Variants in CNBD1 observed in about 807,000 individuals in gnomAD.
CNBD1 encodes the protein cyclic nucleotide binding domain containing 1, also known as cyclic nucleotide-binding domain-containing protein 1.
A neutral mutation model predicts 54.4 loss-of-function variants in CNBD1; 71 were observed. That is an observed-to-expected ratio of 1.30 (90% CI 1.08 to 1.59). The LOEUF is 1.59. Among genes scored for constraint, CNBD1 ranks in the 40% most tolerant of loss-of-function variants. CNBD1 has a pLI of 0.00. For missense variants in CNBD1, 659 were observed against 518.0 expected (o/e 1.27, Z -2.64); for synonymous variants, 182 against 170.7 (o/e 1.07, Z -0.51).
At chr8:87,102,333 T>C (rs1313320123) in intron 4 of CNBD1, among the ~76,000 whole-genome samples, 2 of 152,160 alleles carry the variant, frequency 1.3e-5, no homozygotes, top group African/African-American at 4.8e-5. Flanking sequence ...GCAGTTTACA[T>C]GTGTAAAGAT....
intron 4 of CNBD1, among the ~76,000 whole-genome samples, chr8:87,129,613 T>G (rs918500928): frequency 1.3e-5 from 2 of 152,194 alleles, no homozygotes. Flanking sequence ...TTTTCCTTTT[T>G]GTTTTTCAAG....
At position 87,351,671 on chromosome 8, in the gene CNBD1, T is replaced by C; in HGVS notation, c.1043-14T>C. 6.8e-7 allele frequency: 1 copy of C among 1,477,296 alleles called. No individual in the cohort carries two copies. Among genetic ancestry groups the C allele is most frequent in the African/African-American group, 1.5e-5 (1 of 68,576 alleles). The allele number at this position is 1,477,296 out of a possible 1,614,324, so 91.5% of individuals were successfully genotyped here. On this transcript the variant is annotated splice_polypyrimidine_tract_variant and intron_variant, in intron 8 of 10. Transcript: ENST00000518476. ...ACAAGAATGTGTGAAATGAACTATC[T>C]CTCTTCTTTTCAGTGATAGTGGAAA...
At chr8:86,896,897 AT>A (rs1808855279) in intron 2 of CNBD1, among the ~76,000 whole-genome samples, 1 of 152,226 alleles carries the variant, frequency 6.6e-6, no homozygotes, top group South Asian at 2.1e-4. Flanking sequence ...GGAAATTGCT[AT>A]GAATAGAAAA....
intron 1 of CNBD1, among the ~76,000 whole-genome samples, chr8:86,873,052 T>C (rs1460824156): frequency 2.0e-5 from 3 of 151,894 alleles, no homozygotes; most frequent in Admixed American, 6.6e-5. Context: ...CACTCCAGCC[T>C]GAGCAACAGC....
At chr8:86,938,240 C>T (rs531452052) in intron 3 of CNBD1, among the ~76,000 whole-genome samples, 19 of 152,220 alleles carry the variant, frequency 1.2e-4, no homozygotes, top group Admixed American at 1.2e-3. Context: ...CTTTTTTGCC[C>T]ATATCACTAT....
At chr8:87,392,343 T>C (rs1274956952) in intron 2 of CNBD1, among the ~76,000 whole-genome samples, 1 of 151,920 alleles carries the variant, frequency 6.6e-6, no homozygotes, top group African/African-American at 2.4e-5. Context: ...ACATGCAAAA[T>C]CTTGTACATG....
intron 4 of CNBD1, among the ~76,000 whole-genome samples, chr8:86,941,148 T>A (rs1809648824): frequency 6.6e-6 from 1 of 152,146 alleles, no homozygotes; most frequent in South Asian, 2.1e-4. Flanking sequence ...TACTCTTAAC[T>A]TATAATAACA....
intron 4 of CNBD1, among the ~76,000 whole-genome samples, chr8:87,146,102 A>C (rs1812481698): frequency 6.6e-6 from 1 of 152,138 alleles, no homozygotes; most frequent in South Asian, 2.1e-4. Context: ...TTTAGATTCT[A>C]CGTTGCTAAA....
At chr8:87,372,350 G>T (rs1427436601) in intron 10 of CNBD1, among the ~76,000 whole-genome samples, 2 of 151,972 alleles carry the variant, frequency 1.3e-5, no homozygotes, top group Non-Finnish European at 2.9e-5. Flanking sequence ...CCTACTTGCA[G>T]TTTTCACTGA....
At chr8:87,092,477 ATACACATATGTGTGTGTGTATATATATG>A (rs1229949508) in intron 4 of CNBD1, among the ~76,000 whole-genome samples, 1 of 146,216 alleles carries the variant, frequency 6.8e-6, no homozygotes, top group African/African-American at 2.6e-5. Context: ...GTGTATATAT[ATACACATATGTGTGTGTGTATATATATG>A]TGTGTGTGTG....
At chr8:86,969,404 A>T (rs903323892) in intron 4 of CNBD1, among the ~76,000 whole-genome samples, 12 of 152,168 alleles carry the variant, frequency 7.9e-5, no homozygotes, top group African/African-American at 2.9e-4. Context: ...ACTCCTTCAG[A>T]ACCTTCTTTG....
intron 3 of CNBD1, among the ~76,000 whole-genome samples, chr8:86,905,646 G>A (rs1050538344): frequency 3.3e-5 from 5 of 152,094 alleles, no homozygotes; most frequent in Non-Finnish European, 7.4e-5. Flanking sequence ...CTTCTAGGTG[G>A]ACCTACATTT....
intron 8 of CNBD1, among the ~76,000 whole-genome samples, chr8:87,295,152 G>T (rs1412854321): frequency 6.6e-6 from 1 of 151,710 alleles, no homozygotes; most frequent in Non-Finnish European, 1.5e-5. Flanking sequence ...TACCAGAGAA[G>T]CTTTAATAAT....
chr8:86,923,443 C>T (rs986961402), intron 3 of CNBD1, among the ~76,000 whole-genome samples: 8 of 152,040 alleles, frequency 5.3e-5, no homozygotes, highest in East Asian at 1.9e-4. Context: ...TGGGGAGATA[C>T]GGTTTTTCCT....
chr8:87,234,706 T>G (rs192369323), intron 5 of CNBD1, among the ~76,000 whole-genome samples: 1 of 152,276 alleles, frequency 6.6e-6, no homozygotes, highest in East Asian at 1.9e-4. Context: ...CTAGAATTTT[T>G]GGGATGGTAA....
intron 4 of CNBD1, among the ~76,000 whole-genome samples, chr8:86,943,097 T>C (rs1807375648): frequency 6.7e-6 from 1 of 150,252 alleles, no homozygotes; most frequent in Admixed American, 6.6e-5. Context: ...TTTAAATAAA[T>C]GCAGGCTGGG....
chr8:86,934,304 G>A (rs1045346875), intron 3 of CNBD1, among the ~76,000 whole-genome samples: 12 of 152,004 alleles, frequency 7.9e-5, no homozygotes, highest in Non-Finnish European at 1.0e-4. Flanking sequence ...CAGTGCCTTC[G>A]TGCATTCATA....
chr8:87,026,234 T>C (rs1054976097), intron 4 of CNBD1, among the ~76,000 whole-genome samples: 3 of 152,160 alleles, frequency 2.0e-5, no homozygotes, highest in Non-Finnish European at 2.9e-5. Flanking sequence ...ATAGCTACCT[T>C]ATAATCAGTA....
chr8:86,972,445 C>T (rs1808245752), intron 4 of CNBD1, among the ~76,000 whole-genome samples: 1 of 152,152 alleles, frequency 6.6e-6, no homozygotes, highest in African/African-American at 2.4e-5. Context: ...TAAAATCTAA[C>T]TTGCAACTTT....
Sources: gnomAD v4.1 joint callset for allele counts (sites outside exome capture counted in the v4.1 genomes callset) on GRCh38, gnomAD v4.1.1 for gene constraint, MANE v1.5 for transcripts, NCBI Gene and HGNC (gene_info 2026-07-23, HGNC 2026-07-21) for gene names.